Variants in CENPP observed in about 807,000 individuals in gnomAD.
The protein encoded by CENPP is centromere protein P.
A neutral mutation model predicts 35.6 loss-of-function variants in CENPP; 24 were observed. That is an observed-to-expected ratio of 0.67 (90% CI 0.49 to 0.95). CENPP has a LOEUF of 0.95. Among genes scored for constraint, CENPP ranks in the 40% least tolerant of loss-of-function variants. The pLI, the probability that CENPP is intolerant of heterozygous loss-of-function variation, is 0.00. For synonymous variants in CENPP, 120 were observed against 125.5 expected (o/e 0.96, Z 0.29); for missense variants, 332 against 345.3 (o/e 0.96, Z 0.31).
At chr9:92,404,330 G>A (rs777439119) in intron 5 of CENPP, among the ~76,000 whole-genome samples, 1 of 152,142 alleles carries the variant, frequency 6.6e-6, no homozygotes, top group Non-Finnish European at 1.5e-5. Context: ...TCTTGCCTGC[G>A]TGGATGTTAA....
At chr9:92,433,811 A>G (rs1844179412) in intron 5 of CENPP, among the ~76,000 whole-genome samples, 1 of 152,112 alleles carries the variant, frequency 6.6e-6, no homozygotes, top group Admixed American at 6.6e-5. Flanking sequence ...GCTTGCCTGT[A>G]ATCCCAGCTA....
At chr9:92,609,607 G>A (rs1447468420) in intron 5 of CENPP, among the ~76,000 whole-genome samples, 1 of 152,236 alleles carries the variant, frequency 6.6e-6, no homozygotes, top group Non-Finnish European at 1.5e-5. Flanking sequence ...GGACAGAAAG[G>A]AAAGCACGTC....
intron 4 of CENPP, 88 bp from the exon 5 acceptor site, chr9:92,379,675 A>G: frequency 1.2e-5 from 12 of 1,012,280 alleles, no homozygotes; most frequent in Non-Finnish European, 1.8e-5. Context: ...GTTTTAGTGT[A>G]GGATACATGA....
At chr9:92,333,653 T>C (rs1840827378) in intron 2 of CENPP, among the ~76,000 whole-genome samples, 1 of 152,238 alleles carries the variant, frequency 6.6e-6, no homozygotes, top group Non-Finnish European at 1.5e-5. Context: ...TAATTGCAAG[T>C]AATTCAGCAA....
chr9:92,337,541 G>T lies in CENPP; in HGVS notation c.290G>T (p.Ser97Ile), dbSNP rs980770735. 1 of 1,559,372 alleles carries T rather than the reference G, an allele frequency of 6.4e-7. No individual in the cohort carries two copies. The highest frequency in any genetic ancestry group is 8.8e-7 in the Non-Finnish European group (1 of 1,131,112). ...AAATATTTGTTTTTCTGCTTTACAGGTATTAGAAAAGTTCTACAGAGACAC... is the reference window on the plus strand; with the variant it reads ...AAATATTTGTTTTTCTGCTTTACAGTTATTAGAAAAGTTCTACAGAGACAC... ...DLTSTEMTEKSIRKVLQRHRL... is the reference protein window; with the variant it reads ...DLTSTEMTEKIIRKVLQRHRL... Residue 97 changes from serine to isoleucine, a missense_variant and splice_region_variant, in exon 3 of 8, where the codon AGT (serine) becomes ATT (isoleucine). Physicochemically the swap from Ser to Ile is moderately radical, Grantham distance 142. Transcript: ENST00000375587.
intron 5 of CENPP, chr9:92,386,312 C>T (rs779950058): frequency 6.6e-7 from 1 of 1,524,528 alleles, no homozygotes; most frequent in Admixed American, 1.7e-5. Context: ...AGGAAAATTT[C>T]ATGTGAGTGT....
At chr9:92,335,505 G>A (rs1205616032) in intron 2 of CENPP, among the ~76,000 whole-genome samples, 2 of 150,728 alleles carry the variant, frequency 1.3e-5, no homozygotes, top group Non-Finnish European at 3.0e-5. Context: ...GAGTTTTATA[G>A]TTTTGTATTT....
At chr9:92,341,270 T>C (rs146696391) in intron 3 of CENPP, among the ~76,000 whole-genome samples, 4,652 of 152,314 alleles carry the variant, frequency 0.031, 111 homozygotes, top group South Asian at 0.079. Flanking sequence ...AATTTCGCCT[T>C]GGTCCTGTGG....
chr9:92,459,872 T>G (rs1433828982), intron 5 of CENPP: 1 of 939,780 alleles, frequency 1.1e-6, no homozygotes, highest in Non-Finnish European at 1.6e-6. Flanking sequence ...CCTGTCCTAT[T>G]TATATATATG....
In CENPP at chr9:92,474,809, A is replaced by G. The variant is rs144125864; in HGVS notation, c.564+94950A>G. ...ATCTGTGTCTTCCATATCCTTCAGC[A>G]TCATATTCTTCAGTGCGATGTGTGA... On this transcript the variant is annotated intron_variant, in intron 5 of 7. Coordinates refer to ENST00000375587, the MANE Select transcript of CENPP (RefSeq NM_001012267.3). 392 of 1,613,880 alleles carry G rather than the reference A, an allele frequency of 2.4e-4. No individual in the cohort carries two copies. In the African/African-American group the frequency reaches 4.5e-3, roughly 19 times the overall value.
At chr9:92,342,634 C>G (rs892316168) in intron 3 of CENPP, among the ~76,000 whole-genome samples, 4 of 152,176 alleles carry the variant, frequency 2.6e-5, no homozygotes, top group African/African-American at 9.7e-5. Flanking sequence ...GAAGAAATTA[C>G]AGAGAGCTGT....
In CENPP at chr9:92,615,636, C is replaced by T; in HGVS notation, c.*2487C>T. On this transcript the variant is annotated 3_prime_UTR_variant, in exon 8 of 8. Transcript: ENST00000375587. ...GTGAGCAGCTTCCTGGGACACAGCA[C>T]TCACTTCCTACATTCCTTGTCCAGG... 1 of 565,798 alleles carries T rather than the reference C, an allele frequency of 1.8e-6. No individual in the cohort carries two copies. The highest frequency in any genetic ancestry group is 3.2e-6 in the Non-Finnish European group (1 of 316,112). 35.0% of individuals were successfully genotyped at this position (565,798 alleles called of 1,614,324 possible). A position where few individuals can be genotyped will look rare whatever the true frequency, so the allele number is the denominator to read the frequency against.
At chr9:92,361,440 CTTATT>C (rs200322873) in intron 4 of CENPP, among the ~76,000 whole-genome samples, 20,323 of 111,248 alleles carry the variant, frequency 0.18, 2,061 homozygotes, top group African/African-American at 0.21. Context: ...CGTACCTGGC[CTTATT>C]TTATTTTATT....
intron 4 of CENPP, among the ~76,000 whole-genome samples, chr9:92,379,126 A>T (rs1398889358): frequency 6.6e-6 from 1 of 152,246 alleles, no homozygotes; most frequent in African/African-American, 2.4e-5. Flanking sequence ...ATTATGAAGG[A>T]TACAACCCAG....
At chr9:92,386,434 A>G (rs1242228468) in intron 5 of CENPP, 11 of 590,474 alleles carry the variant, frequency 1.9e-5, no homozygotes, top group Non-Finnish European at 3.0e-5. Flanking sequence ...AATTATATCA[A>G]TTGTTCGTAT....
At chr9:92,485,529 G>A (rs985679160) in intron 5 of CENPP, among the ~76,000 whole-genome samples, 2 of 152,042 alleles carry the variant, frequency 1.3e-5, no homozygotes, top group Non-Finnish European at 2.9e-5. Flanking sequence ...GCTAACCATC[G>A]TGAAAATAAA....
intron 5 of CENPP, among the ~76,000 whole-genome samples, chr9:92,452,376 G>T (rs1351640316): frequency 6.6e-6 from 1 of 152,098 alleles, no homozygotes; most frequent in Non-Finnish European, 1.5e-5. Context: ...TTTGTCTTTG[G>T]TTGTGTTTAT....
chr9:92,500,689 C>A (rs1240765580), intron 5 of CENPP: 1 of 1,571,546 alleles, frequency 6.4e-7, no homozygotes, highest in South Asian at 1.2e-5. Context: ...TTTTGCCAAC[C>A]AAAATTTAAA....
intron 5 of CENPP, among the ~76,000 whole-genome samples, chr9:92,546,911 A>C (rs78812865): frequency 2.0e-5 from 3 of 152,210 alleles, no homozygotes; most frequent in Admixed American, 1.3e-4. Context: ...ACAGGTCTCT[A>C]TATTCTTCAC....
Sources: gnomAD v4.1 joint callset for allele counts (sites outside exome capture counted in the v4.1 genomes callset) on GRCh38, gnomAD v4.1.1 for gene constraint, MANE v1.5 for transcripts, NCBI Gene and HGNC (gene_info 2026-07-23, HGNC 2026-07-21) for gene names.